Variants in PINX1 observed in about 807,000 individuals in gnomAD.
The protein encoded by PINX1 is PIN2 (TERF1) interacting telomerase inhibitor 1, also known as PIN2/TERF1-interacting telomerase inhibitor 1.
PINX1 carries 34 observed loss-of-function variants against 25.4 expected under a neutral mutation model. The observed-to-expected ratio is 1.34, with a 90% CI of 1.02 to 1.78. The LOEUF is 1.78. Ranked by LOEUF, PINX1 falls within the 40% of genes most tolerant of loss-of-function variation. The pLI, the probability that PINX1 is intolerant of heterozygous loss-of-function variation, is 0.00. For missense variants in PINX1, 592 were observed against 404.9 expected (o/e 1.46, Z -3.97); for synonymous variants, 197 against 147.7 (o/e 1.33, Z -2.42).
At position 10,765,096 on chromosome 8, in the gene PINX1, G is replaced by A. The variant is rs965528582; in HGVS notation, c.*305C>T. 1.1e-5 allele frequency: 4 copies of A among 348,936 alleles called. No individual in the cohort carries two copies. The highest frequency in any genetic ancestry group is 2.1e-5 in the Non-Finnish European group (4 of 192,278). The allele number at this position is 348,936 out of a possible 1,614,324, so 21.6% of individuals were successfully genotyped here. On this transcript the variant is annotated 3_prime_UTR_variant, in exon 7 of 7. Coordinates refer to ENST00000314787, the MANE Select transcript of PINX1 (RefSeq NM_017884.6). ...CAGATGCGCACATGCACACACACGT[G>A]TGCACACTTACATGAATGCATGTAT...
chr8:10,804,221 TGAA>T (rs989219632), intron 6 of PINX1, among the ~76,000 whole-genome samples: 3 of 152,190 alleles, frequency 2.0e-5, no homozygotes, highest in Admixed American at 2.0e-4. Flanking sequence ...AAACTTTCCA[TGAA>T]GATGTCACTG....
chr8:10,780,029 A>C (rs780764862), intron 6 of PINX1, among the ~76,000 whole-genome samples: 3 of 152,228 alleles, frequency 2.0e-5, no homozygotes, highest in Non-Finnish European at 2.9e-5. Context: ...TCAGGTCATT[A>C]TCTGTGTATA....
intron 6 of PINX1, among the ~76,000 whole-genome samples, chr8:10,780,269 G>A (rs944577726): frequency 1.3e-5 from 2 of 152,140 alleles, no homozygotes; most frequent in African/African-American, 4.8e-5. Flanking sequence ...GAAATGGCAA[G>A]AATGGACATC....
intron 6 of PINX1, 89 bp downstream of exon 6, chr8:10,820,104 G>C (rs577177559): frequency 8.7e-5 from 72 of 832,048 alleles, no homozygotes; most frequent in African/African-American, 8.0e-4. Flanking sequence ...TGTCAGAAAA[G>C]TACTAGTCAT....
chr8:10,831,816 G>T, intron 3 of PINX1, 73 bp from the exon 4 acceptor site: 1 of 826,788 alleles, frequency 1.2e-6, no homozygotes, highest in South Asian at 1.6e-5. Context: ...ATACATTTTG[G>T]AATCAAGGAA....
intron 6 of PINX1, among the ~76,000 whole-genome samples, chr8:10,802,667 G>T (rs1263835598): frequency 1.3e-5 from 2 of 152,162 alleles, no homozygotes; most frequent in African/African-American, 2.4e-5. Context: ...GGTGGAACCA[G>T]GCACTCTACT....
intron 6 of PINX1, among the ~76,000 whole-genome samples, chr8:10,779,608 G>C (rs1801519377): frequency 6.6e-6 from 1 of 152,022 alleles, no homozygotes; most frequent in African/African-American, 2.4e-5. Context: ...TGTGTATAAT[G>C]GGAAATAAGC....
intron 6 of PINX1, among the ~76,000 whole-genome samples, chr8:10,778,817 T>C (rs1231245243): frequency 6.6e-6 from 1 of 152,224 alleles, no homozygotes; most frequent in African/African-American, 2.4e-5. Context: ...GTTCTCTTGT[T>C]AAATCTCATA....
At chr8:10,804,440 A>G (rs1275266347) in intron 6 of PINX1, among the ~76,000 whole-genome samples, 1 of 152,216 alleles carries the variant, frequency 6.6e-6, no homozygotes, top group Admixed American at 6.5e-5. Context: ...AAGCATCGGC[A>G]TCAGGGAAGC....
At chr8:10,813,773 G>A (rs541194894) in intron 6 of PINX1, among the ~76,000 whole-genome samples, 47 of 152,146 alleles carry the variant, frequency 3.1e-4, no homozygotes, top group African/African-American at 8.2e-4. Context: ...ACAGAGAAAC[G>A]AAGTGAGAAT....
At chr8:10,831,476 GAT>G (rs1798224530) in intron 4 of PINX1, among the ~76,000 whole-genome samples, 187 bp downstream of exon 4, 1 of 152,160 alleles carries the variant, frequency 6.6e-6, no homozygotes, top group South Asian at 2.1e-4. Flanking sequence ...TGTCTGAAGT[GAT>G]ATATATGCTA....
chr8:10,808,622 A>G (rs573631063), intron 6 of PINX1, among the ~76,000 whole-genome samples: 42 of 152,360 alleles, frequency 2.8e-4, no homozygotes, highest in African/African-American at 9.1e-4. Flanking sequence ...CGTGTCCAGT[A>G]GCGCAGTGCT....
chr8:10,815,978 G>A (rs1358757326), intron 6 of PINX1, among the ~76,000 whole-genome samples: 4 of 152,144 alleles, frequency 2.6e-5, no homozygotes, highest in Admixed American at 6.5e-5. Flanking sequence ...AGCATCAAAC[G>A]GAGAGACCAT....
chr8:10,804,023 T>A (rs1802355716), intron 6 of PINX1, among the ~76,000 whole-genome samples: 1 of 152,226 alleles, frequency 6.6e-6, no homozygotes, highest in Non-Finnish European at 1.5e-5. Flanking sequence ...TATAGTTACC[T>A]AGTTACCTAG....
chr8:10,767,682 G>T (rs1801097719), intron 6 of PINX1, among the ~76,000 whole-genome samples: 1 of 152,120 alleles, frequency 6.6e-6, no homozygotes, highest in Non-Finnish European at 1.5e-5. Context: ...CCAGGCTCAT[G>T]AACAAGAAAG....
intron 5 of PINX1, among the ~76,000 whole-genome samples, chr8:10,823,625 T>C (rs1248362376): frequency 6.6e-6 from 1 of 152,104 alleles, no homozygotes; most frequent in Non-Finnish European, 1.5e-5. Context: ...GTTAGAATTA[T>C]AAACTCAGGA....
At position 10,788,551 on chromosome 8, in the gene PINX1, C is replaced by G. The variant is rs79360876; in HGVS notation, c.472-22635G>C. On this transcript the variant is annotated intron_variant, in intron 6 of 6. Coordinates refer to ENST00000314787, the MANE Select transcript of PINX1 (RefSeq NM_017884.6). ...CTGCACTCTACCTTGGAAGACAGAG[C>G]AAGACACTGTCTCAAAAAAAAAACA... Among the ~76,000 whole-genome samples, 354 of 151,206 alleles carry G rather than the reference C, an allele frequency of 2.3e-3. 1 individual carries two copies. The highest frequency in any genetic ancestry group is 8.3e-3 in the African/African-American group (343 of 41,152).
At chr8:10,807,864 G>A (rs772961785) in intron 6 of PINX1, among the ~76,000 whole-genome samples, 16 of 152,148 alleles carry the variant, frequency 1.1e-4, no homozygotes, top group Admixed American at 2.0e-4. Flanking sequence ...GGAAATGGCC[G>A]AGCCAGCACC....
intron 4 of PINX1, among the ~76,000 whole-genome samples, chr8:10,830,360 G>A (rs1470008070): frequency 6.6e-6 from 1 of 152,176 alleles, no homozygotes; most frequent in Non-Finnish European, 1.5e-5. Flanking sequence ...ACCTTCCTAT[G>A]GTTAGATGTG....
Sources: gnomAD v4.1 joint callset for allele counts (sites outside exome capture counted in the v4.1 genomes callset) on GRCh38, gnomAD v4.1.1 for gene constraint, MANE v1.5 for transcripts, NCBI Gene and HGNC (gene_info 2026-07-23, HGNC 2026-07-21) for gene names.